Variants in HECTD4 observed in about 807,000 individuals in gnomAD.
HECTD4 encodes the protein HECT domain E3 ubiquitin protein ligase 4, also known as probable E3 ubiquitin-protein ligase HECTD4.
In HECTD4, 114 loss-of-function variants were observed where a neutral mutation model predicts 471.5. The observed-to-expected ratio is 0.24, with a 90% CI of 0.21 to 0.28. The LOEUF (loss-of-function observed/expected upper bound fraction) is 0.28. Ranked by LOEUF, HECTD4 falls within the 10% of genes least tolerant of loss-of-function variation. The pLI is 1.00. For synonymous variants in HECTD4, 2,012 were observed against 2,256.0 expected (o/e 0.89, Z 3.07); for missense variants, 3,866 against 5,651.5 (o/e 0.68, Z 10.13).
chr12:112,242,185 G>A (rs1266685108), intron 32 of HECTD4, among the ~76,000 whole-genome samples: 3 of 152,162 alleles, frequency 2.0e-5, no homozygotes, highest in Non-Finnish European at 4.4e-5. Flanking sequence ...GCAGAAGGAG[G>A]TTGTTAATGC....
chr12:112,323,553 C>CA (rs2035627141), intron 1 of HECTD4, among the ~76,000 whole-genome samples: 1 of 151,156 alleles, frequency 6.6e-6, no homozygotes, highest in Admixed American at 6.6e-5. Flanking sequence ...AGCCAATTTC[C>CA]AAGGGTTATG....
chr12:112,233,733 A>G (rs1284634164), intron 37 of HECTD4, among the ~76,000 whole-genome samples: 2 of 152,056 alleles, frequency 1.3e-5, no homozygotes, highest in Non-Finnish European at 2.9e-5. Flanking sequence ...CATCATCTAA[A>G]CCCCAAGGAG....
rs1415309817 is a variant in HECTD4, at chr12:112,184,883, G to A, written c.10083C>T (p.Leu3361=). ...MLWFHRALTL[L]IILRHLTRKD... is the part of the protein sequence containing the mutation. ...TCCTGGTGAGGTGGCGGAGGATGAT[G>A]AGCAGGGTGAGTGCGCGGTGGAACC... The change falls in exon 61 of 76, where the codon CTC becomes CTT. Residue 3361 remains leucine, a synonymous_variant. Transcript: ENST00000682272. This position sits in a 1 kb window ranked among gnomAD's most constrained non-coding sequence, Gnocchi z 9.1. The A allele has an allele frequency of 1.9e-6, 3 of 1,610,478 alleles. No individual in the cohort carries two copies. Among genetic ancestry groups the A allele is most frequent in the Non-Finnish European group, 2.5e-6 (3 of 1,177,370 alleles).
chr12:112,192,908 A>T, intron 58 of HECTD4, 143 bp from the exon 59 acceptor site: 1 of 1,208,600 alleles, frequency 8.3e-7, no homozygotes, highest in Non-Finnish European at 1.2e-6. Flanking sequence ...CATTCTTTAT[A>T]GACTAATTCC....
At chr12:112,294,509 A>G (rs2034961953) in intron 7 of HECTD4, among the ~76,000 whole-genome samples, 2 of 152,238 alleles carry the variant, frequency 1.3e-5, no homozygotes, top group African/African-American at 4.8e-5. Flanking sequence ...ATTTTAAAAA[A>G]TGAAATTAAA....
In HECTD4 at chr12:112,193,781, G is replaced by A. The variant is rs555887736; in HGVS notation, c.8750-107C>T. 614 of 929,234 alleles carry A rather than the reference G, an allele frequency of 6.6e-4. 3 individuals carry two copies. In the Middle Eastern group the frequency reaches 7.4e-3, roughly 11 times the overall value. 57.6% of individuals were successfully genotyped at this position (929,234 alleles called of 1,614,324 possible). A position where few individuals can be genotyped will look rare whatever the true frequency, so the allele number is the denominator to read the frequency against. ...ACCCATCCAGAAACCCCAGATGGGA[G>A]GGTTATCCTGGATATGATGTCCTGG... On this transcript the variant is annotated intron_variant, in intron 56 of 75. Coordinates refer to ENST00000682272, the MANE Select transcript of HECTD4 (RefSeq NM_001388303.1). This position sits in a 1 kb window ranked among gnomAD's most constrained non-coding sequence, Gnocchi z 5.2.
At chr12:112,325,744 G>C (rs1052547513) in intron 1 of HECTD4, among the ~76,000 whole-genome samples, 5 of 152,098 alleles carry the variant, frequency 3.3e-5, no homozygotes, top group Middle Eastern at 3.4e-3. Flanking sequence ...TTAAGGGAGT[G>C]ACTGCCAAAG....
At position 112,319,196 on chromosome 12, in the gene HECTD4, C is replaced by T. The variant is rs1369525177; in HGVS notation, c.695+29G>A. 40 of 1,534,132 alleles carry T rather than the reference C, an allele frequency of 2.6e-5. No individual in the cohort carries two copies. The highest frequency in any genetic ancestry group is 3.4e-5 in the Non-Finnish European group (39 of 1,145,708). The stretch of plus-strand genomic sequence containing the variant: ...ACCCAGGTGGCAGTAGTCACAAGGT[C>T]ACCAAATGATACATTCGATTTTCCT... On this transcript the variant is annotated intron_variant, in intron 2 of 75. Coordinates refer to ENST00000682272, the MANE Select transcript of HECTD4 (RefSeq NM_001388303.1). The surrounding 1 kb of genome is among the most constrained non-coding windows in gnomAD (Gnocchi z 5.3).
intron 45 of HECTD4, 139 bp from the exon 46 acceptor site, chr12:112,217,334 C>T (rs1382944024): frequency 1.7e-4 from 75 of 449,688 alleles, no homozygotes; most frequent in Middle Eastern, 5.8e-4. Context: ...CACACACACA[C>T]ATACACACAC....
intron 8 of HECTD4, among the ~76,000 whole-genome samples, chr12:112,280,416 T>C (rs1240700068): frequency 6.6e-6 from 1 of 152,146 alleles, no homozygotes; most frequent in African/African-American, 2.4e-5. Flanking sequence ...TCAACTGGAG[T>C]GCTTTACTTA....
intron 4 of HECTD4, among the ~76,000 whole-genome samples, chr12:112,310,414 A>G (rs2035348951): frequency 6.6e-6 from 1 of 152,190 alleles, no homozygotes; most frequent in Non-Finnish European, 1.5e-5. Context: ...GTCTTCCTCA[A>G]TCTAAAACAG....
chr12:112,194,839 G>T lies in HECTD4; in HGVS notation c.8749+46C>A, dbSNP rs373478376. On this transcript the variant is annotated intron_variant, in intron 56 of 75. Transcript: ENST00000682272. This position sits in a 1 kb window ranked among gnomAD's most constrained non-coding sequence, Gnocchi z 4.6. ...AATGACTACACTGTGCACAGCGCCC[G>T]CCTGGTGCTAAGTTCCAGAGTGACA... The T allele has an allele frequency of 1.3e-6, 2 of 1,541,732 alleles. No individual in the cohort carries two copies. The highest frequency in any genetic ancestry group is 1.4e-5 in the African/African-American group (1 of 73,278).
intron 44 of HECTD4, among the ~76,000 whole-genome samples, chr12:112,225,255 C>T (rs1267763119): frequency 1.4e-5 from 2 of 139,118 alleles, no homozygotes; most frequent in African/African-American, 5.4e-5. Flanking sequence ...AAACTACAAA[C>T]AGAAAAGGTA....
chr12:112,182,092 T>TA (rs202020787), intron 62 of HECTD4, among the ~76,000 whole-genome samples: 23,269 of 146,396 alleles, frequency 0.16, 2,596 homozygotes, highest in African/African-American at 0.32. Flanking sequence ...GACTCTGTCT[T>TA]AAAAAAAAAA....
At chr12:112,288,391 G>T (rs2034802490) in intron 7 of HECTD4, among the ~76,000 whole-genome samples, 1 of 151,876 alleles carries the variant, frequency 6.6e-6, no homozygotes, top group South Asian at 2.1e-4. Context: ...GGGAGGTTGA[G>T]GCTAGCGATT....
At chr12:112,287,526 A>G (rs2034777997) in intron 7 of HECTD4, among the ~76,000 whole-genome samples, 1 of 152,188 alleles carries the variant, frequency 6.6e-6, no homozygotes, top group Non-Finnish European at 1.5e-5. Flanking sequence ...TGTCACTAAT[A>G]AAATTTTAAA....
Position 112,179,090 on chromosome 12 carries a change from G to C in HECTD4, c.11212-8C>G. The C allele has an allele frequency of 1.9e-6, 3 of 1,613,942 alleles. No individual in the cohort carries two copies. Among genetic ancestry groups the C allele is most frequent in the Non-Finnish European group, 1.7e-6 (2 of 1,179,880 alleles). ...GCCATACTTCCTCAGGATCTGTGGA[G>C]CACAGAGGCAGCGGGGAGGCTCTCA... On this transcript the variant is annotated splice_polypyrimidine_tract_variant and splice_region_variant and intron_variant, in intron 63 of 75. Coordinates refer to ENST00000682272, the MANE Select transcript of HECTD4 (RefSeq NM_001388303.1). This position sits in a 1 kb window ranked among gnomAD's most constrained non-coding sequence, Gnocchi z 4.3.
At chr12:112,191,666 G>A (rs1265304953) in intron 59 of HECTD4, among the ~76,000 whole-genome samples, 1 of 152,056 alleles carries the variant, frequency 6.6e-6, no homozygotes, top group Non-Finnish European at 1.5e-5. Flanking sequence ...TGATAATTGT[G>A]GAATGACAGA....
chr12:112,259,291 C>T (rs774762355), intron 18 of HECTD4, 26 bp from the exon 19 acceptor site: 6 of 1,610,834 alleles, frequency 3.7e-6, no homozygotes, highest in African/African-American at 2.7e-5. Context: ...GAAAAACACA[C>T]AGCCTAAGCA....
Sources: allele counts gnomAD v4.1 joint callset (sites outside exome capture counted in the v4.1 genomes callset), GRCh38; gene constraint gnomAD v4.1.1; non-coding constraint Gnocchi (gnomAD v3.1); transcripts MANE v1.5; gene names NCBI Gene and HGNC (gene_info 2026-07-23, HGNC 2026-07-21).